The following SEL1L2 variants were observed in gnomAD, a reference collection of about 807,000 sequenced individuals.
The protein encoded by SEL1L2 is protein sel-1 homolog 2.
In SEL1L2, 89 loss-of-function variants were observed where a neutral mutation model predicts 98.8. The ratio of observed to expected loss-of-function variants is 0.90; its 90% confidence interval spans 0.76 to 1.07. The LOEUF (loss-of-function observed/expected upper bound fraction) is 1.07. Among genes scored for constraint, SEL1L2 ranks in the 50% least tolerant of loss-of-function variants. The pLI is 0.00. For missense variants in SEL1L2, 788 were observed against 812.0 expected (o/e 0.97, Z 0.36); for synonymous variants, 262 against 278.5 (o/e 0.94, Z 0.59).
At chr20:13,850,165 T>G in intron 19 of SEL1L2, 26 bp downstream of exon 19, 1 of 1,613,006 alleles carries the variant, frequency 6.2e-7, no homozygotes, top group Non-Finnish European at 8.5e-7. Context: ...TTTCAGAGAT[T>G]CAGGACCTGT....
rs1019909900 is a variant in SEL1L2, at chr20:13,877,450, G to A, written c.1026+70C>T. The A allele has an allele frequency of 5.5e-5, 68 of 1,228,312 alleles. No homozygotes were observed. In the Admixed American group the frequency reaches 1.1e-3, roughly 20 times the overall value. 76.1% of individuals were successfully genotyped at this position (1,228,312 alleles called of 1,614,324 possible). A position where few individuals can be genotyped will look rare whatever the true frequency, so the allele number is the denominator to read the frequency against. ...CAAGTAGCTGGGACAACAGGCACAC[G>A]CTGCTATGCCCAGTTTAATTTCTTA... On this transcript the variant is annotated intron_variant, in intron 11 of 19. Transcript: ENST00000284951.
At chr20:13,977,927 C>G (rs2051624077) in intron 1 of SEL1L2, among the ~76,000 whole-genome samples, 2 of 152,018 alleles carry the variant, frequency 1.3e-5, no homozygotes. Context: ...CCACATTACT[C>G]AAAGCAATCT....
At chr20:13,991,104 A>C (rs921657811), upstream of SEL1L2, among the ~76,000 whole-genome samples, 6 of 152,258 alleles carry the variant, frequency 3.9e-5, no homozygotes, top group African/African-American at 1.4e-4. Context: ...AAGACTGTTT[A>C]ACAATGTCTT....
At chr20:13,877,340 A>T (rs538689716) in intron 11 of SEL1L2, among the ~76,000 whole-genome samples, 180 bp downstream of exon 11, 2 of 152,046 alleles carry the variant, frequency 1.3e-5, no homozygotes, top group Admixed American at 6.6e-5. Context: ...TTTTAAATTT[A>T]AATTTTAATT....
At chr20:13,932,876 G>A (rs142786220) in intron 2 of SEL1L2, among the ~76,000 whole-genome samples, 1 of 152,016 alleles carries the variant, frequency 6.6e-6, no homozygotes, top group Non-Finnish European at 1.5e-5. Flanking sequence ...TGACCCAGGG[G>A]CCAGAGCAAG....
chr20:13,967,133 G>A (rs1011219178), intron 1 of SEL1L2, among the ~76,000 whole-genome samples: 2 of 151,856 alleles, frequency 1.3e-5, no homozygotes, highest in Non-Finnish European at 2.9e-5. Flanking sequence ...CACCCGCCTC[G>A]GCCTCCCAAA....
chr20:13,850,962 C>T (rs1407653467), intron 18 of SEL1L2, among the ~76,000 whole-genome samples: 1 of 151,886 alleles, frequency 6.6e-6, no homozygotes, highest in African/African-American at 2.4e-5. Context: ...GGGCCAGGCA[C>T]AGGGGGGTTC....
At chr20:13,858,484 A>T (rs1050537529) in intron 18 of SEL1L2, among the ~76,000 whole-genome samples, 1 of 152,142 alleles carries the variant, frequency 6.6e-6, no homozygotes, top group Non-Finnish European at 1.5e-5. Context: ...TGGCTTCCTG[A>T]TGCATACACA....
At chr20:13,921,005 A>C (rs1046189975) in intron 3 of SEL1L2, among the ~76,000 whole-genome samples, 1 of 152,162 alleles carries the variant, frequency 6.6e-6, no homozygotes, top group Non-Finnish European at 1.5e-5. Flanking sequence ...AAAACCTAAT[A>C]ATCTGTGTGT....
At chr20:13,934,069 C>G (rs1175726979) in intron 2 of SEL1L2, among the ~76,000 whole-genome samples, 1 of 149,694 alleles carries the variant, frequency 6.7e-6, no homozygotes, top group Admixed American at 6.7e-5. Flanking sequence ...CACCCATCAC[C>G]CGAGCAGTAT....
At position 13,957,601 on chromosome 20, in the gene SEL1L2, G is replaced by C. The variant is rs116787251; in HGVS notation, c.59-1470C>G. 5.9e-3 allele frequency among the ~76,000 whole-genome samples: 892 copies of C among 152,266 alleles called. 8 individuals carry two copies. Among genetic ancestry groups the C allele is most frequent in the African/African-American group, 0.021 (865 of 41,550 alleles). On this transcript the variant is annotated intron_variant, in intron 1 of 19. Coordinates refer to ENST00000284951, the MANE Select transcript of SEL1L2 (RefSeq NM_025229.2). ...AAATTCTAAATAAAAATTAGGCTGG[G>C]TATGGCAGCTCACACCTGTAAACCC...
intron 1 of SEL1L2, among the ~76,000 whole-genome samples, chr20:13,985,968 A>G (rs1236160684): frequency 6.6e-6 from 1 of 152,188 alleles, no homozygotes; most frequent in East Asian, 1.9e-4. Context: ...TCCATATCAT[A>G]CTTCGTTTGT....
At chr20:13,870,811 T>C (rs1431881386) in intron 12 of SEL1L2, among the ~76,000 whole-genome samples, 1 of 149,824 alleles carries the variant, frequency 6.7e-6, no homozygotes, top group Non-Finnish European at 1.5e-5. Context: ...TAATCCCAGC[T>C]ACTTGGGAAG....
chr20:13,958,635 C>T (rs930648952), intron 1 of SEL1L2, among the ~76,000 whole-genome samples: 6 of 152,066 alleles, frequency 3.9e-5, no homozygotes, highest in African/African-American at 1.4e-4. Flanking sequence ...AGTGGTGGTT[C>T]AAGAAGTTCT....
intron 17 of SEL1L2, among the ~76,000 whole-genome samples, chr20:13,859,978 A>G (rs1989837277): frequency 6.6e-6 from 1 of 152,242 alleles, no homozygotes; most frequent in South Asian, 2.1e-4. Flanking sequence ...TGCTGGGATT[A>G]CAGGCGTGAG....
chr20:13,871,211 G>T (rs1050449173), intron 12 of SEL1L2, among the ~76,000 whole-genome samples: 7 of 152,062 alleles, frequency 4.6e-5, no homozygotes, highest in African/African-American at 1.7e-4. Flanking sequence ...AGCATCGTTG[G>T]TATATTTCTT....
At chr20:13,908,988 C>T (rs2048101007) in intron 5 of SEL1L2, among the ~76,000 whole-genome samples, 1 of 149,084 alleles carries the variant, frequency 6.7e-6, no homozygotes, top group South Asian at 2.1e-4. Flanking sequence ...AAATAGGGTC[C>T]CTACCAGACC....
At chr20:13,911,332 A>G (rs1310172080) in intron 5 of SEL1L2, among the ~76,000 whole-genome samples, 5 of 152,230 alleles carry the variant, frequency 3.3e-5, no homozygotes, top group Non-Finnish European at 7.3e-5. Flanking sequence ...TACACACACT[A>G]AGAAAATAAA....
intron 18 of SEL1L2, among the ~76,000 whole-genome samples, chr20:13,857,533 C>T (rs1352711505): frequency 6.6e-6 from 1 of 152,342 alleles, no homozygotes; most frequent in Middle Eastern, 3.4e-3. Flanking sequence ...CCTGAGAGGA[C>T]ACCTGCCTGT....
Sources: gnomAD v4.1 joint callset for allele counts (sites outside exome capture counted in the v4.1 genomes callset) on GRCh38, gnomAD v4.1.1 for gene constraint, MANE v1.5 for transcripts, NCBI Gene and HGNC (gene_info 2026-07-23, HGNC 2026-07-21) for gene names.